Variants in RBM17 observed in about 807,000 individuals in gnomAD.
RBM17 encodes the protein splicing factor 45.
A neutral mutation model predicts 53.2 loss-of-function variants in RBM17; 7 were observed. That is an observed-to-expected ratio of 0.13 (90% CI 0.07 to 0.25). RBM17 has a LOEUF of 0.25. Among genes scored for constraint, RBM17 ranks in the 10% least tolerant of loss-of-function variants. RBM17 has a pLI of 1.00. For synonymous variants in RBM17, 167 were observed against 178.1 expected, an observed-to-expected ratio of 0.94 and a Z score of 0.50; for missense variants, 257 against 496.7, an observed-to-expected ratio of 0.52 and a Z score of 4.59.
chr10:6,090,488 T>C (rs1003699125), intron 1 of RBM17, among the ~76,000 whole-genome samples: 3 of 152,238 alleles, frequency 2.0e-5, no homozygotes, highest in Non-Finnish European at 4.4e-5. Context: ...GTTGTGCGGT[T>C]GTGGAGCTCT....
chr10:6,110,612 A>G (rs946023424), intron 7 of RBM17, among the ~76,000 whole-genome samples: 4 of 152,214 alleles, frequency 2.6e-5, no homozygotes, highest in Admixed American at 2.0e-4. Flanking sequence ...GCTGACGCTC[A>G]GGTGGGGCTT....
intron 5 of RBM17, 81 bp downstream of exon 5, chr10:6,106,319 G>T: frequency 2.2e-6 from 2 of 900,318 alleles, no homozygotes; most frequent in South Asian, 1.6e-5. Context: ...TTTTCAGTTT[G>T]ATAAATAGTT....
chr10:6,115,726 T>A lies in RBM17; in HGVS notation c.*170T>A. The A allele has an allele frequency of 4.1e-6, 2 of 485,224 alleles. No individual in the cohort carries two copies. The highest frequency in any genetic ancestry group is 7.3e-6 in the Non-Finnish European group (2 of 275,582). 30.1% of individuals were successfully genotyped at this position (485,224 alleles called of 1,614,324 possible). A position where few individuals can be genotyped will look rare whatever the true frequency, so the allele number is the denominator to read the frequency against. ...TTTTTTATTTTGTGGTTTTTTAATATAGTATAAAAATCCTTTTAAAAAAAC... is the reference window on the plus strand; with the variant it reads ...TTTTTTATTTTGTGGTTTTTTAATAAAGTATAAAAATCCTTTTAAAAAAAC... On this transcript the variant is annotated 3_prime_UTR_variant, in exon 12 of 12. Transcript: ENST00000379888.
At chr10:6,094,945 G>A (rs1840550112) in intron 1 of RBM17, among the ~76,000 whole-genome samples, 1 of 152,038 alleles carries the variant, frequency 6.6e-6, no homozygotes, top group Non-Finnish European at 1.5e-5. Context: ...GCAGTGAACA[G>A]AACAACCTGG....
At chr10:6,091,855 G>A (rs994429905) in intron 1 of RBM17, among the ~76,000 whole-genome samples, 1 of 141,118 alleles carries the variant, frequency 7.1e-6, no homozygotes, top group Non-Finnish European at 1.5e-5. Context: ...ACCAGTTGGG[G>A]GGGGTTAGTT....
Position 6,115,800 on chromosome 10 carries a change from T to C in RBM17, c.*244T>C. The C allele has an allele frequency of 3.2e-6, 1 of 312,416 alleles. No homozygotes were observed. The highest frequency in any genetic ancestry group is 5.2e-5 in the East Asian group (1 of 19,396). 19.4% of individuals were successfully genotyped at this position (312,416 alleles called of 1,614,324 possible). ...TGTTTCTCTTTTTTATTATTACTCC[T>C]GAGTTGATGACATTTTTTGTTAGAT... On this transcript the variant is annotated 3_prime_UTR_variant, in exon 12 of 12. Transcript: ENST00000379888.
chr10:6,090,184 A>G (rs1369562967), intron 1 of RBM17, among the ~76,000 whole-genome samples: 1 of 152,108 alleles, frequency 6.6e-6, no homozygotes, highest in Non-Finnish European at 1.5e-5. Context: ...GAGGGTCCTT[A>G]TTTTGCTAGA....
chr10:6,098,563 GTTTTTTTTTTTTTT>G (rs398012715), intron 2 of RBM17, among the ~76,000 whole-genome samples: 16 of 46,666 alleles, frequency 3.4e-4, no homozygotes, highest in Middle Eastern at 0.016. Context: ...CAGGTTTTTT[GTTTTTTTTTTTTTT>G]TTTTTTTTTT....
At chr10:6,101,847 T>A (rs1160881479) in intron 3 of RBM17, among the ~76,000 whole-genome samples, 1 of 152,242 alleles carries the variant, frequency 6.6e-6, no homozygotes, top group East Asian at 1.9e-4. Context: ...TATTTTTTGC[T>A]ATCATAAACA....
rs1840854227 is a variant in RBM17 at position 6,112,460 on chromosome 10, T to G, written c.856+99T>G. On this transcript the variant is annotated intron_variant, in intron 8 of 11. Transcript: ENST00000379888. The surrounding 1 kb of genome is among the most constrained non-coding windows in gnomAD (Gnocchi z 4.4). ...TCCTCATGTGTCAGCAGGGGGACAA[T>G]GAGGCGTGTGGCCAGAGGGAGAGGG... 7.0e-7 allele frequency: 1 copy of G among 1,432,946 alleles called. No homozygotes were observed. The allele number at this position is 1,432,946 out of a possible 1,614,324, so 88.8% of individuals were successfully genotyped here.
rs1210575479 is a variant in RBM17 at position 6,117,181 on chromosome 10, CAG to C, written c.*1630_*1631del. ...TCCTAACATTCTCATGGTCAGCAAC[CAG>C]AGAGTTGCAACCAACTCATACTACT... is the stretch of plus-strand genomic sequence containing the variant. On this transcript the variant is annotated 3_prime_UTR_variant, in exon 12 of 12. Transcript: ENST00000379888. 1.3e-5 allele frequency: 2 copies of C among 152,306 alleles called. No individual in the cohort carries two copies. Among genetic ancestry groups the C allele is most frequent in the African/African-American group, 4.8e-5 (2 of 41,410 alleles). The allele number at this position is 152,306 out of a possible 1,614,324, so 9.4% of individuals were successfully genotyped here. A position where few individuals can be genotyped will look rare whatever the true frequency, so the allele number is the denominator to read the frequency against.
At chr10:6,115,118 C>G in intron 10 of RBM17, 121 bp from the exon 11 acceptor site, 1 of 747,534 alleles carries the variant, frequency 1.3e-6, no homozygotes, top group Non-Finnish European at 2.2e-6. Flanking sequence ...TGGTATTTGA[C>G]AACTACTTGA....
rs1840870253 is a variant in RBM17 at position 6,113,569 on chromosome 10, G to C, written c.918G>C (p.Val306=). Residue 306 remains valine (V), a synonymous_variant, in exon 9 of 12, where the codon GTG becomes GTC. Coordinates refer to ENST00000379888, the MANE Select transcript of RBM17 (RefSeq NM_032905.5). Reference sequence around the variant, plus strand: ...AAATACTTAAGTGTCCTACTAAAGTGGTCTTACTAAGGGTAAGAAGCTGAG... The same window carrying C: ...AAATACTTAAGTGTCCTACTAAAGTCGTCTTACTAAGGGTAAGAAGCTGAG... ...LTEILKCPTK[V]VLLRNMVGAG... The C allele has an allele frequency of 1.2e-6, 2 of 1,611,088 alleles. No individual in the cohort carries two copies.
intron 1 of RBM17, among the ~76,000 whole-genome samples, chr10:6,091,017 A>G (rs1422696874): frequency 1.7e-5 from 2 of 121,036 alleles, no homozygotes; most frequent in African/African-American, 6.1e-5. Context: ...AAATATTTAT[A>G]TATTTATATA....
At chr10:6,110,651 G>A (rs1232216959) in intron 7 of RBM17, among the ~76,000 whole-genome samples, 1 of 152,200 alleles carries the variant, frequency 6.6e-6, no homozygotes, top group African/African-American at 2.4e-5. Context: ...TGCTGGGCTT[G>A]GCAAACATTT....
At chr10:6,111,287 G>A (rs1180193557) in intron 7 of RBM17, among the ~76,000 whole-genome samples, 2 of 152,222 alleles carry the variant, frequency 1.3e-5, no homozygotes, top group Non-Finnish European at 2.9e-5. Context: ...ACAGAAAGCA[G>A]TGACTGAGAG....
At chr10:6,102,701 A>T (rs1840685183) in intron 3 of RBM17, among the ~76,000 whole-genome samples, 1 of 152,204 alleles carries the variant, frequency 6.6e-6, no homozygotes, top group South Asian at 2.1e-4. Context: ...AATTCTCATT[A>T]AGCGAATGCA....
chr10:6,105,021 G>A lies in RBM17; in HGVS notation c.331G>A (p.Val111Ile), dbSNP rs747414195. Residue 111 changes from valine (V) to isoleucine (I), a missense_variant, in exon 4 of 12, where the codon GTA (valine) becomes ATA (isoleucine). Physicochemically the swap from Val to Ile is conservative, Grantham distance 29. This residue lies in a region of RBM17 where 127 missense variants were observed against 217.2 expected (regional missense o/e 0.58). Coordinates refer to ENST00000379888, the MANE Select transcript of RBM17 (RefSeq NM_032905.5). ...TATGTTTCCTAATGATTATGAGAAAGTAGTGAAGCGCCAAAGAGAGGAACG... is the reference window on the plus strand; with the variant it reads ...TATGTTTCCTAATGATTATGAGAAAATAGTGAAGCGCCAAAGAGAGGAACG... ...DPMFPNDYEK[V>I]VKRQREERQR... The A allele has an allele frequency of 1.2e-6, 2 of 1,614,010 alleles. No homozygotes were observed. The highest frequency in any genetic ancestry group is 1.7e-6 in the Non-Finnish European group (2 of 1,179,970).
chr10:6,097,480 C>CCAGG (rs1840593273), intron 2 of RBM17, among the ~76,000 whole-genome samples: 3 of 152,176 alleles, frequency 2.0e-5, no homozygotes, highest in African/African-American at 7.2e-5. Flanking sequence ...AGGCAGATCA[C>CCAGG]GAGGTCAGGA....
Sources: allele counts gnomAD v4.1 joint callset (sites outside exome capture counted in the v4.1 genomes callset), GRCh38; gene constraint gnomAD v4.1.1; regional missense constraint gnomAD v4.1.1; non-coding constraint Gnocchi (gnomAD v3.1); transcripts MANE v1.5; gene names NCBI Gene and HGNC (gene_info 2026-07-23, HGNC 2026-07-21).